DGLUCY: variants seen among roughly 807,000 people sequenced by gnomAD.
DGLUCY encodes the protein D-glutamate cyclase.
A neutral mutation model predicts 58.5 loss-of-function variants in DGLUCY; 58 were observed. The ratio of observed to expected loss-of-function variants is 0.99; its 90% CI spans 0.80 to 1.23. The LOEUF (loss-of-function observed/expected upper bound fraction) is 1.23. DGLUCY is among the 50% of genes most tolerant of loss of function. The pLI, the probability that DGLUCY is intolerant of heterozygous loss-of-function variation, is 0.00. For missense variants in DGLUCY, 779 were observed against 784.7 expected (o/e 0.99, Z 0.09); for synonymous variants, 325 against 314.1 (o/e 1.03, Z -0.37).
intron 1 of DGLUCY, among the ~76,000 whole-genome samples, chr14:91,085,393 C>T (rs540333083): frequency 6.6e-5 from 10 of 152,014 alleles, no homozygotes; most frequent in Non-Finnish European, 1.3e-4. Flanking sequence ...GGCTGTGCCA[C>T]GTTCTCCATA....
intron 8 of DGLUCY, chr14:91,185,527 C>T (rs372999188): frequency 1.3e-5 from 2 of 151,682 alleles, no homozygotes; most frequent in East Asian, 3.9e-4. Flanking sequence ...TCCTCAGTCT[C>T]CCAAAGTGTT....
In DGLUCY at chr14:91,184,703, C is replaced by T. The variant is rs1001238384; in HGVS notation, c.934+3314C>T. Among the ~76,000 whole-genome samples the T allele has an allele frequency of 2.7e-5, 4 of 150,320 alleles. No homozygotes were observed. In the East Asian group the frequency reaches 7.9e-4, roughly 30 times the overall value. On this transcript the variant is annotated intron_variant, in intron 8 of 13. Transcript: ENST00000256324. ...AAGGAAGGAAATGTCTGATTCTCTC[C>T]CCTGGGCCTAGGAGCAAAAGTTGTC...
chr14:91,223,746 A>G, intron 13 of DGLUCY: 2 of 1,276,038 alleles, frequency 1.6e-6, no homozygotes, highest in Non-Finnish European at 2.0e-6. Context: ...AATCAACCTC[A>G]TTTTGTGAAT....
At chr14:91,155,117 G>T (rs2047545483) in intron 1 of DGLUCY, among the ~76,000 whole-genome samples, 1 of 152,150 alleles carries the variant, frequency 6.6e-6, no homozygotes, top group African/African-American at 2.4e-5. Context: ...CTAAGCACAT[G>T]GTGTTATAGT....
chr14:91,066,950 G>A (rs952071420), intron 1 of DGLUCY, among the ~76,000 whole-genome samples: 9 of 151,676 alleles, frequency 5.9e-5, no homozygotes, highest in East Asian at 3.9e-4. Flanking sequence ...GCATGGTGGC[G>A]GGCGCCAGTA....
intron 1 of DGLUCY, among the ~76,000 whole-genome samples, chr14:91,066,272 G>T (rs953064034): frequency 6.6e-6 from 1 of 151,902 alleles, no homozygotes; most frequent in African/African-American, 2.4e-5. Context: ...CAGCCACCAG[G>T]GAGGCTGAGG....
chr14:91,197,810 T>G (rs2140562749), intron 10 of DGLUCY, among the ~76,000 whole-genome samples: 1 of 152,290 alleles, frequency 6.6e-6, no homozygotes, highest in South Asian at 2.1e-4. Context: ...GGGCACTGGG[T>G]TTGCTTCCTG....
intron 1 of DGLUCY, among the ~76,000 whole-genome samples, chr14:91,098,520 A>G (rs888772259): frequency 4.4e-4 from 67 of 152,310 alleles, no homozygotes; most frequent in African/African-American, 1.5e-3. Flanking sequence ...GCTTTTTAAT[A>G]TAACTTATTA....
At chr14:91,147,995 G>C (rs1431200268) in intron 1 of DGLUCY, 1 of 152,044 alleles carries the variant, frequency 6.6e-6, no homozygotes, top group African/African-American at 2.4e-5. Context: ...CCAACATAGT[G>C]AAACCCCATT....
At chr14:91,118,348 G>A (rs2045131188) in intron 1 of DGLUCY, among the ~76,000 whole-genome samples, 1 of 151,980 alleles carries the variant, frequency 6.6e-6, no homozygotes, top group East Asian at 1.9e-4. Flanking sequence ...ACCTGCCTCG[G>A]CCTCCTGAAG....
chr14:91,137,444 G>T (rs1252823417), intron 1 of DGLUCY, among the ~76,000 whole-genome samples: 2 of 151,724 alleles, frequency 1.3e-5, no homozygotes, highest in African/African-American at 2.4e-5. Context: ...GGAATGCAGA[G>T]GTGTGATCTC....
chr14:91,191,471 C>T (rs986249246), intron 9 of DGLUCY, among the ~76,000 whole-genome samples: 3 of 152,150 alleles, frequency 2.0e-5, no homozygotes, highest in Non-Finnish European at 2.9e-5. Context: ...GTCTTTTGGA[C>T]AGTTCCCTGT....
chr14:91,216,922 C>T (rs559645979), intron 13 of DGLUCY, among the ~76,000 whole-genome samples: 57 of 152,326 alleles, frequency 3.7e-4, no homozygotes, highest in African/African-American at 1.1e-3. Flanking sequence ...GTGGCCAGCG[C>T]GCAGCACCCA....
intron 13 of DGLUCY, among the ~76,000 whole-genome samples, chr14:91,218,456 G>A (rs1886929367): frequency 1.3e-5 from 2 of 150,564 alleles, no homozygotes; most frequent in Non-Finnish European, 3.0e-5. Flanking sequence ...AGGCTGGAGT[G>A]CAGTGGAGAA....
chr14:91,063,312 C>G (rs1439552089), intron 1 of DGLUCY, among the ~76,000 whole-genome samples: 1 of 151,092 alleles, frequency 6.6e-6, no homozygotes, highest in Non-Finnish European at 1.5e-5. Context: ...TATGATCTGG[C>G]CAATGGGGTA....
intron 12 of DGLUCY, among the ~76,000 whole-genome samples, chr14:91,207,936 C>T (rs777016587): frequency 5.9e-5 from 9 of 152,126 alleles, no homozygotes; most frequent in Middle Eastern, 3.4e-3. Flanking sequence ...TTAGTAGAGA[C>T]GGAGTTTCTC....
chr14:91,060,577 T>A, exon 1 of DGLUCY: 1 of 1,109,108 alleles, frequency 9.0e-7, no homozygotes, highest in South Asian at 3.8e-5. Flanking sequence ...CGAGTCTCTT[T>A]CCCGCTCTGG....
chr14:91,149,476 G>T (rs1053630124), intron 1 of DGLUCY, among the ~76,000 whole-genome samples: 1 of 152,190 alleles, frequency 6.6e-6, no homozygotes, highest in Non-Finnish European at 1.5e-5. Flanking sequence ...TCAGGCCGTT[G>T]GTTGAGCTGT....
At chr14:91,062,458 G>A (rs1373376071) in intron 1 of DGLUCY, among the ~76,000 whole-genome samples, 4 of 149,230 alleles carry the variant, frequency 2.7e-5, no homozygotes, top group African/African-American at 7.4e-5. Context: ...TGAGGCAGGA[G>A]AATTGCTTGA....
Sources: gnomAD v4.1 joint callset for allele counts (sites outside exome capture counted in the v4.1 genomes callset) on GRCh38, gnomAD v4.1.1 for gene constraint, MANE v1.5 for transcripts, NCBI Gene and HGNC (gene_info 2026-07-23, HGNC 2026-07-21) for gene names.